Variants in DSCAM observed in about 807,000 individuals in gnomAD.
The protein encoded by DSCAM is DS cell adhesion molecule.
Under a neutral mutation model 217.7 loss-of-function variants are expected in DSCAM, and 47 were observed. The ratio of observed to expected loss-of-function variants is 0.22; its 90% CI spans 0.17 to 0.28. DSCAM has a LOEUF of 0.28. Among genes scored for constraint, DSCAM ranks in the 10% least tolerant of loss-of-function variants. DSCAM has a pLI of 1.00. For synonymous variants in DSCAM, 1,056 were observed against 1,015.3 expected, an observed-to-expected ratio of 1.04 and a Z score of -0.76; for missense variants, 2,080 against 2,618.3, an observed-to-expected ratio of 0.79 and a Z score of 4.49.
chr21:40,694,746 C>T (rs565032591), intron 2 of DSCAM, among the ~76,000 whole-genome samples: 3 of 152,102 alleles, frequency 2.0e-5, no homozygotes, highest in Admixed American at 1.3e-4. Context: ...GCCCAAGAGA[C>T]TGACCTCAGC....
intron 1 of DSCAM, among the ~76,000 whole-genome samples, chr21:40,809,124 C>T (rs1472650468): frequency 6.6e-6 from 1 of 152,084 alleles, no homozygotes; most frequent in African/African-American, 2.4e-5. Context: ...AGAGCATCCA[C>T]CTAGCTCTGG....
In DSCAM at chr21:40,473,172, C is replaced by T. The variant is rs565265179; in HGVS notation, c.509-103927G>A. Among the ~76,000 whole-genome samples the T allele has an allele frequency of 5.3e-5, 8 of 152,252 alleles. No homozygotes were observed. In the South Asian group the frequency reaches 8.3e-4, roughly 16 times the overall value. On this transcript the variant is annotated intron_variant, in intron 3 of 32. Coordinates refer to ENST00000400454, the MANE Select transcript of DSCAM (RefSeq NM_001389.5). Reference sequence around the variant, plus strand: ...AGAATTGCCAGCTACGGCTAGGTAACGGCTCTTAACTTTTTAAAAACTAAA... The same window carrying T: ...AGAATTGCCAGCTACGGCTAGGTAATGGCTCTTAACTTTTTAAAAACTAAA...
At chr21:40,791,232 T>G (rs2091639984) in intron 1 of DSCAM, among the ~76,000 whole-genome samples, 1 of 152,028 alleles carries the variant, frequency 6.6e-6, no homozygotes, top group South Asian at 2.1e-4. Context: ...CTCCAAGCCA[T>G]CACGTGGACA....
At chr21:40,454,160 A>T (rs185566139) in intron 3 of DSCAM, among the ~76,000 whole-genome samples, 4 of 152,166 alleles carry the variant, frequency 2.6e-5, no homozygotes, top group Admixed American at 2.0e-4. Context: ...TCTTTTTTCT[A>T]ATCTATATCA....
chr21:40,374,013 T>C (rs2074925374), intron 3 of DSCAM, among the ~76,000 whole-genome samples: 1 of 151,502 alleles, frequency 6.6e-6, no homozygotes, highest in Non-Finnish European at 1.5e-5. Flanking sequence ...AGCTGAATAA[T>C]AATGTATTCT....
At chr21:40,225,622 T>C (rs955468861) in intron 11 of DSCAM, among the ~76,000 whole-genome samples, 3 of 152,130 alleles carry the variant, frequency 2.0e-5, no homozygotes, top group African/African-American at 7.2e-5. Flanking sequence ...GGCCCCGCCA[T>C]CCATCCTGAG....
In DSCAM at chr21:40,587,381, T is replaced by C. The variant is rs1326751885; in HGVS notation, c.508+105429A>G. On this transcript the variant is annotated intron_variant, in intron 3 of 32. Coordinates refer to ENST00000400454, the MANE Select transcript of DSCAM (RefSeq NM_001389.5). The stretch of plus-strand genomic sequence containing the variant: ...ACTGATTTTAGTGAGTATAGGTTAA[T>C]TACAGCATCCATTCATGTTGGAAAA... 3.3e-5 allele frequency among the ~76,000 whole-genome samples: 5 copies of C among 152,330 alleles called. No homozygotes were observed. The East Asian group carries it at 9.6e-4, about 29-fold the overall frequency.
At chr21:40,319,301 A>G (rs537525149) in intron 8 of DSCAM, among the ~76,000 whole-genome samples, 20 of 152,310 alleles carry the variant, frequency 1.3e-4, no homozygotes, top group Admixed American at 3.3e-4. Context: ...CTAAGAAAAC[A>G]TGTTCCCCAT....
At chr21:40,287,922 G>T (rs935285733) in intron 10 of DSCAM, among the ~76,000 whole-genome samples, 5 of 152,148 alleles carry the variant, frequency 3.3e-5, no homozygotes, top group African/African-American at 1.2e-4. Context: ...TGGAATTGGG[G>T]AAACTACAAT....
At chr21:40,526,562 G>A (rs972498476) in intron 3 of DSCAM, among the ~76,000 whole-genome samples, 11 of 152,084 alleles carry the variant, frequency 7.2e-5, no homozygotes, top group Admixed American at 6.5e-5. Context: ...GAGATGGCAT[G>A]GTAGGTGAGG....
At chr21:40,311,935 T>C in intron 9 of DSCAM, 146 bp downstream of exon 9, 1 of 73,080 alleles carries the variant, frequency 1.4e-5, no homozygotes, top group Non-Finnish European at 1.9e-5. Flanking sequence ...AGAGTCGTAT[T>C]TTTTTTTTTT....
intron 9 of DSCAM, among the ~76,000 whole-genome samples, chr21:40,301,228 C>T (rs1490901205): frequency 6.6e-6 from 1 of 152,184 alleles, no homozygotes; most frequent in Non-Finnish European, 1.5e-5. Flanking sequence ...CCTAAAGGAT[C>T]TAAGACACAA....
chr21:40,521,044 CTCTT>C (rs1340141641), intron 3 of DSCAM, among the ~76,000 whole-genome samples: 2 of 152,184 alleles, frequency 1.3e-5, no homozygotes, highest in Admixed American at 1.3e-4. Context: ...CTTAAAAGCA[CTCTT>C]TCTGTGTTTT....
intron 8 of DSCAM, among the ~76,000 whole-genome samples, chr21:40,324,415 T>A (rs554245072): frequency 5.3e-5 from 8 of 152,044 alleles, no homozygotes; most frequent in Non-Finnish European, 1.2e-4. Flanking sequence ...CTCCTTCCAA[T>A]GCACTTCCAA....
At chr21:40,766,686 AAAC>A (rs1385102530) in intron 1 of DSCAM, among the ~76,000 whole-genome samples, 8 of 121,734 alleles carry the variant, frequency 6.6e-5, no homozygotes, top group South Asian at 2.9e-4. Flanking sequence ...AAAAAAAAAA[AAAC>A]AACTTTTTTT....
At chr21:40,716,592 C>T (rs2090845120) in intron 1 of DSCAM, among the ~76,000 whole-genome samples, 1 of 152,056 alleles carries the variant, frequency 6.6e-6, no homozygotes, top group Non-Finnish European at 1.5e-5. Flanking sequence ...ACGGCATAAC[C>T]AAGGCTCCAC....
At chr21:40,211,740 C>T (rs1296307829) in intron 11 of DSCAM, among the ~76,000 whole-genome samples, 1 of 152,164 alleles carries the variant, frequency 6.6e-6, no homozygotes, top group African/African-American at 2.4e-5. Flanking sequence ...GGACCAACTG[C>T]CTTCTATCTA....
Position 40,142,746 on chromosome 21 carries a change from T to G in DSCAM, c.3260-42A>C, listed in dbSNP as rs768213258. On this transcript the variant is annotated intron_variant, in intron 17 of 32. Coordinates refer to ENST00000400454, the MANE Select transcript of DSCAM (RefSeq NM_001389.5). ...AGAATCTGTAATAACTGTGGGTGGTTTATGAGCAAAGCAATAACCGAAAAA... is the reference window on the plus strand; with the variant it reads ...AGAATCTGTAATAACTGTGGGTGGTGTATGAGCAAAGCAATAACCGAAAAA... 7.7e-6 allele frequency: 12 copies of G among 1,557,024 alleles called. No individual in the cohort carries two copies. The South Asian group carries it at 1.3e-4, about 17-fold the overall frequency.
chr21:40,571,634 A>G (rs462794), intron 3 of DSCAM, among the ~76,000 whole-genome samples: 22,851 of 152,308 alleles, frequency 0.15, 2,261 homozygotes, highest in Non-Finnish European at 0.22. Context: ...GTAAAAATAA[A>G]GGACCTACTT....
Sources: allele counts gnomAD v4.1 joint callset (sites outside exome capture counted in the v4.1 genomes callset), GRCh38; gene constraint gnomAD v4.1.1; transcripts MANE v1.5; gene names NCBI Gene and HGNC (gene_info 2026-07-23, HGNC 2026-07-21).